MALT1: variants seen among roughly 807,000 people sequenced by gnomAD.
MALT1 encodes MALT1 paracaspase.
Under a neutral mutation model 85.5 loss-of-function variants are expected in MALT1, and 36 were observed. That is an observed-to-expected ratio of 0.42 (90% CI 0.32 to 0.56). The LOEUF (loss-of-function observed/expected upper bound fraction) is 0.56, where lower values mean the gene tolerates loss of function less well. Among genes scored for constraint, MALT1 ranks in the 20% least tolerant of loss-of-function variants. MALT1 has a pLI of 0.10. For missense variants in MALT1, 716 were observed against 981.6 expected (o/e 0.73, Z 3.62); for synonymous variants, 359 against 361.3 (o/e 0.99, Z 0.07).
In MALT1 at chr18:58,734,325, C is replaced by T. The variant is rs750469894; in HGVS notation, c.1419C>T (p.Thr473=). The T allele has an allele frequency of 1.9e-6, 3 of 1,612,886 alleles. No individual in the cohort carries two copies. The highest frequency in any genetic ancestry group is 2.5e-6 in the Non-Finnish European group (3 of 1,178,884). Reference sequence around the variant, plus strand: ...TAAATAGAAATGACTACGATGATACCATTCCAATCTTGGATGCACTAAAAG... The same window carrying T: ...TAAATAGAAATGACTACGATGATACTATTCCAATCTTGGATGCACTAAAAG... ...MCRKRNDYDD[T]IPILDALKVT... Residue 473 remains threonine (T), a synonymous_variant, in exon 12 of 17, where the codon ACC becomes ACT. Transcript: ENST00000649217.
intron 10 of MALT1, among the ~76,000 whole-genome samples, chr18:58,729,045 T>C (rs2055106795): frequency 6.6e-6 from 1 of 152,222 alleles, no homozygotes; most frequent in African/African-American, 2.4e-5. Flanking sequence ...GATCTGACCC[T>C]GTCTTGATTG....
At chr18:58,715,793 CA>C in intron 8 of MALT1, 141 bp from the exon 9 acceptor site, 1 of 669,226 alleles carries the variant, frequency 1.5e-6, no homozygotes, top group East Asian at 2.7e-5. Flanking sequence ...TTTTTCCATT[CA>C]AGAGTGTTTT....
rs190099894 is a variant in MALT1 at position 58,735,763 on chromosome 18, A to G, written c.1603+434A>G. Among the ~76,000 whole-genome samples, 1,159 of 152,224 alleles carry G rather than the reference A, an allele frequency of 7.6e-3. 22 individuals carry two copies. The highest frequency in any genetic ancestry group is 0.027 in the African/African-American group (1,122 of 41,524). ...GAGAAAACTTTACAGAAATTTTTAG[A>G]CACTGCTGGGAAAAGCTGAGTTCAT... On this transcript the variant is annotated intron_variant, in intron 13 of 16. Coordinates refer to ENST00000649217, the MANE Select transcript of MALT1 (RefSeq NM_006785.4).
At chr18:58,736,452 AAAAG>A (rs530205817) in intron 13 of MALT1, among the ~76,000 whole-genome samples, 233 of 152,170 alleles carry the variant, frequency 1.5e-3, no homozygotes, top group African/African-American at 4.1e-3. Context: ...TAAAAAAAAA[AAAAG>A]AAAGAAAGAA....
intron 13 of MALT1, among the ~76,000 whole-genome samples, chr18:58,737,767 G>A (rs757701280): frequency 5.9e-5 from 9 of 152,096 alleles, no homozygotes; most frequent in Non-Finnish European, 1.0e-4. Flanking sequence ...ATTTTTGGTA[G>A]AGATAGGGTT....
At chr18:58,702,617 ACT>A (rs1385845580) in intron 4 of MALT1, among the ~76,000 whole-genome samples, 3 of 151,880 alleles carry the variant, frequency 2.0e-5, no homozygotes, top group African/African-American at 7.3e-5. Context: ...AGGAGAAAAA[ACT>A]CTCATATAGT....
At chr18:58,722,386 T>A (rs2054997183) in intron 9 of MALT1, among the ~76,000 whole-genome samples, 1 of 152,162 alleles carries the variant, frequency 6.6e-6, no homozygotes, top group African/African-American at 2.4e-5. Flanking sequence ...GTGCACTAAG[T>A]TCAAAAAATG....
At chr18:58,728,990 G>A (rs2055106099) in intron 10 of MALT1, among the ~76,000 whole-genome samples, 1 of 152,104 alleles carries the variant, frequency 6.6e-6, no homozygotes, top group South Asian at 2.1e-4. Context: ...TTGTTGAAAT[G>A]GTACCATTTC....
chr18:58,717,489 A>G (rs966788843), intron 9 of MALT1, among the ~76,000 whole-genome samples: 1 of 152,202 alleles, frequency 6.6e-6, no homozygotes, highest in African/African-American at 2.4e-5. Flanking sequence ...CTACAAGTGA[A>G]TGTGTATTGA....
chr18:58,742,676 G>GGA (rs2055317838), intron 14 of MALT1, among the ~76,000 whole-genome samples: 1 of 152,322 alleles, frequency 6.6e-6, no homozygotes, highest in African/African-American at 2.4e-5. Flanking sequence ...TTGTCCCACT[G>GGA]CACTCCAGTC....
chr18:58,710,904 G>GT lies in MALT1; in HGVS notation c.926-11dup. On this transcript the variant is annotated splice_polypyrimidine_tract_variant and intron_variant, in intron 6 of 16. Transcript: ENST00000649217. ...CATGAATTACAATATATTCAAATTT[G>GT]TTTTTTCTGAAACAAGGAAGAACAG... 3.2e-6 allele frequency: 5 copies of GT among 1,576,544 alleles called. No homozygotes were observed. Among genetic ancestry groups the GT allele is most frequent in the African/African-American group, 2.7e-5 (2 of 73,362 alleles).
At chr18:58,675,627 G>A (rs1477149941) in intron 1 of MALT1, among the ~76,000 whole-genome samples, 1 of 152,180 alleles carries the variant, frequency 6.6e-6, no homozygotes, top group Admixed American at 6.5e-5. Context: ...GGACAAGACA[G>A]AATTTTATTG....
At chr18:58,743,795 A>G (rs1240640825) in intron 14 of MALT1, among the ~76,000 whole-genome samples, 2 of 152,194 alleles carry the variant, frequency 1.3e-5, no homozygotes, top group African/African-American at 2.4e-5. Context: ...TGTTTTAAAA[A>G]TTAATACTCT....
intron 2 of MALT1, chr18:58,691,547 C>T (rs1602288822): frequency 1.1e-5 from 2 of 184,844 alleles, no homozygotes; most frequent in East Asian, 1.7e-4. Context: ...CAGCTACTCT[C>T]TCAGCATTTT....
intron 10 of MALT1, among the ~76,000 whole-genome samples, chr18:58,728,431 C>T (rs2055096108): frequency 6.6e-6 from 1 of 151,696 alleles, no homozygotes; most frequent in South Asian, 2.1e-4. Context: ...ATAGTGAGAC[C>T]TCATCTCTAC....
At chr18:58,680,725 C>T (rs893815675) in intron 1 of MALT1, among the ~76,000 whole-genome samples, 1 of 151,874 alleles carries the variant, frequency 6.6e-6, no homozygotes, top group African/African-American at 2.4e-5. Flanking sequence ...AGATCGAGAC[C>T]ATCCTGGCTA....
At chr18:58,673,206 G>C (rs4940419) in intron 1 of MALT1, among the ~76,000 whole-genome samples, 7,170 of 152,246 alleles carry the variant, frequency 0.047, 204 homozygotes, top group East Asian at 0.071. Context: ...TATTTATTAA[G>C]TGCTTATTAT....
chr18:58,749,311 CTTA>C lies in MALT1; in HGVS notation c.*1472_*1474del, dbSNP rs777117201. 4.6e-6 allele frequency: 1 copy of C among 216,268 alleles called. No individual in the cohort carries two copies. The highest frequency in any genetic ancestry group is 9.3e-6 in the Non-Finnish European group (1 of 107,498). The allele number at this position is 216,268 out of a possible 1,614,324, so 13.4% of individuals were successfully genotyped here. ...CTTAATTCATCCTAGCAAATTCTAC[CTTA>C]TTTTACAGAAGTGAAAGTGAGGTAT... On this transcript the variant is annotated 3_prime_UTR_variant, in exon 17 of 17. Transcript: ENST00000649217.
intron 9 of MALT1, among the ~76,000 whole-genome samples, chr18:58,718,596 G>C (rs999850790): frequency 1.3e-5 from 2 of 152,158 alleles, no homozygotes; most frequent in African/African-American, 4.8e-5. Context: ...ACCGTCCATG[G>C]AAAAATTGTC....
Sources: gnomAD v4.1 joint callset for allele counts (sites outside exome capture counted in the v4.1 genomes callset) on GRCh38, gnomAD v4.1.1 for gene constraint, MANE v1.5 for transcripts, NCBI Gene and HGNC (gene_info 2026-07-23, HGNC 2026-07-21) for gene names.